Variants in FYCO1 observed in about 807,000 individuals in gnomAD.
FYCO1 encodes the protein FYVE and coiled-coil domain autophagy adaptor 1.
Under a neutral mutation model 165.1 loss-of-function variants are expected in FYCO1, and 122 were observed. The observed-to-expected ratio is 0.74, with a 90% CI of 0.64 to 0.86. FYCO1 has a LOEUF of 0.86. FYCO1 is among the 40% of genes least tolerant of loss of function. The pLI, the probability that FYCO1 is intolerant of heterozygous loss-of-function variation, is 0.00. For synonymous variants in FYCO1, 648 were observed against 742.5 expected, an observed-to-expected ratio of 0.87 and a Z score of 2.07; for missense variants, 1,702 against 1,810.3, an observed-to-expected ratio of 0.94 and a Z score of 1.09.
chr3:45,947,506 T>A, intron 14 of FYCO1: 1 of 1,611,512 alleles, frequency 6.2e-7, no homozygotes, highest in Non-Finnish European at 8.5e-7. Context: ...ATGTTCCAGT[T>A]ATAGGCCTTG....
chr3:45,948,553 T>C (rs148389624), intron 14 of FYCO1, among the ~76,000 whole-genome samples: 1 of 152,362 alleles, frequency 6.6e-6, no homozygotes, highest in East Asian at 1.9e-4. Flanking sequence ...GGGGCACATT[T>C]GTTTAACTTC....
At position 45,967,862 on chromosome 3, in the gene FYCO1, C is replaced by T. The variant is rs375694875; in HGVS notation, c.1472G>A (p.Arg491Lys). Residue 491 changes from arginine (R) to lysine (K), a missense_variant, in exon 8 of 18, where the codon AGG (arginine) becomes AAG (lysine). Physicochemically the swap from Arg to Lys is conservative, Grantham distance 26 (BLOSUM62 2). Coordinates refer to ENST00000296137, the MANE Select transcript of FYCO1 (RefSeq NM_024513.4). Reference protein sequence around the residue: ...SSWEEELAELRREKKQQQEEK... With the variant: ...SSWEEELAELKREKKQQQEEK... ...CTCCTGTTGCTGTTTTTTCTCCCGC[C>T]TCAACTCTGCTAGCTCCTCCTCCCA... The T allele has an allele frequency of 3.1e-6, 5 of 1,614,116 alleles. No homozygotes were observed. The highest frequency in any genetic ancestry group is 4.2e-6 in the Non-Finnish European group (5 of 1,180,012).
chr3:45,939,621 G>A (rs538056100), intron 14 of FYCO1, among the ~76,000 whole-genome samples: 2 of 152,256 alleles, frequency 1.3e-5, no homozygotes, highest in Non-Finnish European at 2.9e-5. Context: ...ATGGCCCAAG[G>A]TGCCTTGCTG....
chr3:45,936,650 G>A (rs1209213838), intron 14 of FYCO1, 107 bp from the exon 15 acceptor site: 1 of 800,430 alleles, frequency 1.2e-6, no homozygotes, highest in African/African-American at 1.7e-5. Context: ...CCAGATGCAT[G>A]GGGGATCCTT....
intron 1 of FYCO1, among the ~76,000 whole-genome samples, chr3:45,987,482 T>C (rs571002751): frequency 6.6e-6 from 1 of 152,296 alleles, no homozygotes; most frequent in Admixed American, 6.5e-5. Context: ...CACTCTGTGA[T>C]GGCCAGGCCT....
At chr3:45,958,974 C>A (rs867867608) in intron 12 of FYCO1, among the ~76,000 whole-genome samples, 11 of 152,342 alleles carry the variant, frequency 7.2e-5, no homozygotes, top group Middle Eastern at 3.4e-3. Flanking sequence ...GCCCCCAGCC[C>A]AGCCCGAGAT....
Position 45,958,616 on chromosome 3 carries a change from T to C in FYCO1, c.3591A>G (p.Ile1197Met), listed in dbSNP as rs1403089529. 1.2e-6 allele frequency: 2 copies of C among 1,614,152 alleles called. No homozygotes were observed. The highest frequency in any genetic ancestry group is 1.7e-6 in the Non-Finnish European group (2 of 1,179,996). ...SWMVRRHHCR[I>M]CGRIFCYYCC... ...AGTAGTAACAGAAGATGCGGCCACATATCCTGGGAACAAAACAAGCCCAGG... is the reference window on the plus strand; with the variant it reads ...AGTAGTAACAGAAGATGCGGCCACACATCCTGGGAACAAAACAAGCCCAGG... Residue 1197 changes from isoleucine (I) to methionine (M), a missense_variant, in exon 13 of 18, where the codon ATA becomes ATG. Coordinates refer to ENST00000296137, the MANE Select transcript of FYCO1 (RefSeq NM_024513.4).
At chr3:45,990,619 T>C (rs552872441) in intron 1 of FYCO1, among the ~76,000 whole-genome samples, 5 of 152,352 alleles carry the variant, frequency 3.3e-5, no homozygotes, top group African/African-American at 1.2e-4. Flanking sequence ...AGCACAGTTC[T>C]GGCACATGGA....
Position 45,964,508 on chromosome 3 carries a change from T to C in FYCO1, c.3151-54A>G. ...TCAGCTTGCAGAAGGCCATGCAACGTACCATAAAGTGGCTGGTGTGCCATC... is the reference window on the plus strand; with the variant it reads ...TCAGCTTGCAGAAGGCCATGCAACGCACCATAAAGTGGCTGGTGTGCCATC... On this transcript the variant is annotated intron_variant, in intron 9 of 17. Coordinates refer to ENST00000296137, the MANE Select transcript of FYCO1 (RefSeq NM_024513.4). The surrounding 1 kb of genome is among the most constrained non-coding windows in gnomAD (Gnocchi z 4.1). 1 of 1,609,576 alleles carries C rather than the reference T, an allele frequency of 6.2e-7. No homozygotes were observed. Among genetic ancestry groups the C allele is most frequent in the Non-Finnish European group, 8.5e-7 (1 of 1,178,182 alleles).
intron 2 of FYCO1, among the ~76,000 whole-genome samples, chr3:45,982,453 T>A (rs1264135945): frequency 2.6e-5 from 4 of 152,286 alleles, no homozygotes; most frequent in Non-Finnish European, 1.5e-5. Context: ...GAACCCTGGT[T>A]TTCTCAAGAG....
chr3:45,947,439 T>A (rs188413691), intron 14 of FYCO1: 19 of 1,614,184 alleles, frequency 1.2e-5, no homozygotes, highest in Non-Finnish European at 1.4e-5. Context: ...TCAATGGAAA[T>A]CTTCTGAGGA....
intron 13 of FYCO1, among the ~76,000 whole-genome samples, chr3:45,957,896 C>G (rs1462998074): frequency 6.6e-6 from 1 of 152,248 alleles, no homozygotes. Flanking sequence ...GAAGGGCAGC[C>G]CAGGCCTGTC....
chr3:45,953,331 C>T (rs1187815047), intron 14 of FYCO1, among the ~76,000 whole-genome samples: 3 of 152,140 alleles, frequency 2.0e-5, no homozygotes, highest in African/African-American at 2.4e-5. Context: ...GGTCAAGAAA[C>T]GTCTGGGACC....
At chr3:45,938,683 G>A (rs1255872404) in intron 14 of FYCO1, among the ~76,000 whole-genome samples, 1 of 152,132 alleles carries the variant, frequency 6.6e-6, no homozygotes, top group Non-Finnish European at 1.5e-5. Context: ...TAGTAGATAC[G>A]GGGTTTCACC....
chr3:45,982,893 T>C (rs1707125368), intron 2 of FYCO1, among the ~76,000 whole-genome samples: 1 of 152,220 alleles, frequency 6.6e-6, no homozygotes, highest in Non-Finnish European at 1.5e-5. Context: ...TGACAGCCAG[T>C]GAGCCAGGGG....
intron 14 of FYCO1, chr3:45,945,019 A>C (rs1032649479): frequency 6.6e-6 from 1 of 152,084 alleles, no homozygotes; most frequent in African/African-American, 2.4e-5. Context: ...AAGGGCAAGG[A>C]TTTTTATTAA....
chr3:45,985,052 A>T, intron 1 of FYCO1, 30 bp from the exon 2 acceptor site: 1 of 788,044 alleles, frequency 1.3e-6, no homozygotes, highest in Non-Finnish European at 2.3e-6. Flanking sequence ...GCCATGGAGG[A>T]AGCAGATACA....
rs760324313 is a variant in FYCO1 at position 45,930,447 on chromosome 3, G to C, written c.4251+624C>G. Reference sequence around the variant, plus strand: ...TTCAACCCCCTGATCTACACCAGTGGTTCTCAACCTTGGCTGCTCATTGGA... The same window carrying C: ...TTCAACCCCCTGATCTACACCAGTGCTTCTCAACCTTGGCTGCTCATTGGA... On this transcript the variant is annotated intron_variant, in intron 16 of 17. Transcript: ENST00000296137. Among the ~76,000 whole-genome samples, 121 of 152,304 alleles carry C rather than the reference G, an allele frequency of 7.9e-4. No individual in the cohort carries two copies. In the Middle Eastern group the frequency reaches 0.017, roughly 21 times the overall value.
chr3:45,979,940 GC>G, intron 3 of FYCO1, 110 bp from the exon 4 acceptor site: 1 of 1,305,800 alleles, frequency 7.7e-7, no homozygotes, highest in Non-Finnish European at 1.1e-6. Flanking sequence ...ACTGGGTGAG[GC>G]CCTTTATTGG....
Sources: allele counts gnomAD v4.1 joint callset (sites outside exome capture counted in the v4.1 genomes callset), GRCh38; gene constraint gnomAD v4.1.1; non-coding constraint Gnocchi (gnomAD v3.1); transcripts MANE v1.5; gene names NCBI Gene and HGNC (gene_info 2026-07-23, HGNC 2026-07-21).